SDR42E1: variants seen among roughly 807,000 people sequenced by gnomAD.
SDR42E1 encodes the protein short-chain dehydrogenase/reductase family 42E member 1.
In SDR42E1, 5 loss-of-function variants were observed where a neutral mutation model predicts 2.6. The ratio of observed to expected loss-of-function variants is 1.94; its 90% confidence interval spans 1.01 to 4.08. SDR42E1 has a LOEUF of 4.08. SDR42E1 is among the 30% of genes most tolerant of loss of function. The probability of loss-of-function intolerance (pLI) is 0.00; values close to 1 mark genes in which losing one functional copy is unlikely to be tolerated. For missense variants in SDR42E1, 596 were observed against 478.6 expected (o/e 1.25, Z -2.29); for synonymous variants, 231 against 188.3 (o/e 1.23, Z -1.86).
intron 1 of SDR42E1, among the ~76,000 whole-genome samples, chr16:82,008,566 A>C (rs554203327): frequency 6.6e-6 from 1 of 152,194 alleles, no homozygotes; most frequent in East Asian, 1.9e-4. Flanking sequence ...TAGCAAAGAG[A>C]CTGATGGCAT....
In SDR42E1 at chr16:81,992,178, G is replaced by A. The variant is rs1912442995; in HGVS notation, c.*6933C>T. ...TCTCAAAAAAAAGAAAAAAAAATTAGAAAGCCTTATCCTGAGTAAACTCTC... is the reference window on the plus strand; with the variant it reads ...TCTCAAAAAAAAGAAAAAAAAATTAAAAAGCCTTATCCTGAGTAAACTCTC... On this transcript the variant is annotated 3_prime_UTR_variant, in exon 3 of 3. Transcript: ENST00000328945. The A allele has an allele frequency of 6.6e-6, 1 of 152,176 alleles. No individual in the cohort carries two copies. The highest frequency in any genetic ancestry group is 2.4e-5 in the African/African-American group (1 of 41,400). The allele number at this position is 152,176 out of a possible 1,614,324, so 9.4% of individuals were successfully genotyped here. A position where few individuals can be genotyped will look rare whatever the true frequency, so the allele number is the denominator to read the frequency against.
chr16:82,010,978 G>A (rs1272639781), intron 1 of SDR42E1, among the ~76,000 whole-genome samples: 2 of 152,170 alleles, frequency 1.3e-5, no homozygotes, highest in Non-Finnish European at 2.9e-5. Context: ...ACAAATACAT[G>A]CAGTTTAAAT....
At chr16:82,004,507 T>C (rs1912871570) in intron 1 of SDR42E1, among the ~76,000 whole-genome samples, 2 of 152,220 alleles carry the variant, frequency 1.3e-5, no homozygotes, top group South Asian at 4.1e-4. Flanking sequence ...ATCCCATTCT[T>C]TTTTTCTCTT....
rs762974688 is a variant in SDR42E1, at chr16:81,999,406, ATC to A, written c.885_886del (p.Glu295AspfsTer20). The A allele has an allele frequency of 6.6e-5, 107 of 1,614,228 alleles. No individual in the cohort carries two copies. The African/African-American group carries it at 1.2e-3, about 19-fold the overall frequency. ...GAGTCGACCCAAAATGAAGTGAACC[ATC>A]TCTGTTAGAAAAGCAAAGCAGTAGA... On this transcript the variant is annotated frameshift_variant, in exon 3 of 3. Transcript: ENST00000328945. LOFTEE classifies it low-confidence loss of function (END_TRUNC).
At chr16:82,004,478 C>A (rs753948058) in intron 1 of SDR42E1, among the ~76,000 whole-genome samples, 2 of 152,162 alleles carry the variant, frequency 1.3e-5, no homozygotes, top group Non-Finnish European at 2.9e-5. Flanking sequence ...AGGCTTCTGT[C>A]CCCTTCCATA....
intron 1 of SDR42E1, among the ~76,000 whole-genome samples, chr16:82,003,511 G>A (rs1376206194): frequency 2.6e-5 from 4 of 152,158 alleles, no homozygotes; most frequent in Non-Finnish European, 4.4e-5. Context: ...CTGGCACTCC[G>A]TGCTCCAACC....
At chr16:82,007,149 G>C (rs916173897) in intron 1 of SDR42E1, among the ~76,000 whole-genome samples, 41 of 152,188 alleles carry the variant, frequency 2.7e-4, no homozygotes, top group African/African-American at 9.6e-4. Context: ...AATATCTATA[G>C]GGACAAGGAA....
intron 1 of SDR42E1, among the ~76,000 whole-genome samples, chr16:82,001,743 A>C (rs1040479100): frequency 2.0e-5 from 3 of 151,950 alleles, no homozygotes; most frequent in Non-Finnish European, 4.4e-5. Flanking sequence ...TCTACTAAAA[A>C]TACAAAAAAT....
rs1912528904 is a variant in SDR42E1 at position 81,995,816 on chromosome 16, AT to A, written c.*3294del. Reference sequence around the variant, plus strand: ...TCCCACCCTCATAGAGCTAACAGGCATTAAACAAATAACCGTACAAATGTTT... The same window carrying A: ...TCCCACCCTCATAGAGCTAACAGGCATAAACAAATAACCGTACAAATGTTT... On this transcript the variant is annotated 3_prime_UTR_variant, in exon 3 of 3. Coordinates refer to ENST00000328945, the MANE Select transcript of SDR42E1 (RefSeq NM_145168.3). 6.6e-6 allele frequency: 1 copy of A among 152,258 alleles called. No individual in the cohort carries two copies. Among genetic ancestry groups the A allele is most frequent in the Non-Finnish European group, 1.5e-5 (1 of 68,066 alleles). 9.4% of individuals were successfully genotyped at this position (152,258 alleles called of 1,614,324 possible).
In SDR42E1 at chr16:81,990,901, C is replaced by T. The variant is rs1341159669; in HGVS notation, c.*8210G>A. ...CCCTTCTTTGGGAGAATTTAAACATCTAAGGGCACCTCTACAGGCTGGACT... is the reference window on the plus strand; with the variant it reads ...CCCTTCTTTGGGAGAATTTAAACATTTAAGGGCACCTCTACAGGCTGGACT... On this transcript the variant is annotated 3_prime_UTR_variant, in exon 3 of 3. Transcript: ENST00000328945. 1 of 152,206 alleles carries T rather than the reference C, an allele frequency of 6.6e-6. No individual in the cohort carries two copies. The highest frequency in any genetic ancestry group is 1.5e-5 in the Non-Finnish European group (1 of 68,044). 9.4% of individuals were successfully genotyped at this position (152,206 alleles called of 1,614,324 possible).
chr16:82,003,052 C>T (rs549017502), intron 1 of SDR42E1, among the ~76,000 whole-genome samples: 2 of 152,112 alleles, frequency 1.3e-5, no homozygotes, highest in Non-Finnish European at 2.9e-5. Flanking sequence ...CGAATCAGAT[C>T]ACTTATGCAG....
chr16:82,009,973 T>C (rs1913073192), intron 1 of SDR42E1, among the ~76,000 whole-genome samples: 5 of 152,180 alleles, frequency 3.3e-5, no homozygotes, highest in Admixed American at 3.3e-4. Flanking sequence ...TCTCAAAAGA[T>C]CTGATGGTTT....
At chr16:82,008,250 A>G (rs1304124958) in intron 1 of SDR42E1, among the ~76,000 whole-genome samples, 1 of 152,246 alleles carries the variant, frequency 6.6e-6, no homozygotes, top group African/African-American at 2.4e-5. Context: ...AGTCTTGGGA[A>G]TGTCTTTATT....
rs987438535 is a variant in SDR42E1, at chr16:81,994,320, C to T, written c.*4791G>A. On this transcript the variant is annotated 3_prime_UTR_variant, in exon 3 of 3. Transcript: ENST00000328945. ...GTCCTCTCCTTCAGGTAGGAGGACC[C>T]TGAAGAGGAGCTGCACCAAGCGCCT... 1 of 152,228 alleles carries T rather than the reference C, an allele frequency of 6.6e-6. No individual in the cohort carries two copies. Among genetic ancestry groups the T allele is most frequent in the African/African-American group, 2.4e-5 (1 of 41,446 alleles). The allele number at this position is 152,228 out of a possible 1,614,324, so 9.4% of individuals were successfully genotyped here.
At chr16:82,008,057 A>G (rs1443413699) in intron 1 of SDR42E1, among the ~76,000 whole-genome samples, 1 of 152,106 alleles carries the variant, frequency 6.6e-6, no homozygotes, top group African/African-American at 2.4e-5. Context: ...TGCTATTCTC[A>G]TGATAGTAAG....
rs1357536138 is a variant in SDR42E1 at position 81,994,098 on chromosome 16, A to G, written c.*5013T>C. 1 of 152,206 alleles carries G rather than the reference A, an allele frequency of 6.6e-6. No individual in the cohort carries two copies. The highest frequency in any genetic ancestry group is 2.4e-5 in the African/African-American group (1 of 41,426). The allele number at this position is 152,206 out of a possible 1,614,324, so 9.4% of individuals were successfully genotyped here. On this transcript the variant is annotated 3_prime_UTR_variant, in exon 3 of 3. Coordinates refer to ENST00000328945, the MANE Select transcript of SDR42E1 (RefSeq NM_145168.3). ...CAGGACATGCTGCGATTCCTGGAGA[A>G]AAATCGAACTTAAAGGACCTTAAGC...
chr16:81,999,015 A>C lies in SDR42E1; in HGVS notation c.*96T>G. On this transcript the variant is annotated 3_prime_UTR_variant, in exon 3 of 3. Transcript: ENST00000328945. ...TCTTAAGTAGCAATTTGAAGAGCCA[A>C]TGTTTGGCACCAGATATCACTGTAC... is the stretch of plus-strand genomic sequence containing the variant. 1 of 1,328,534 alleles carries C rather than the reference A, an allele frequency of 7.5e-7. No individual in the cohort carries two copies. The highest frequency in any genetic ancestry group is 2.3e-5 in the East Asian group (1 of 42,694). 82.3% of individuals were successfully genotyped at this position (1,328,534 alleles called of 1,614,324 possible).
chr16:82,002,768 T>C (rs1912811143), intron 1 of SDR42E1, among the ~76,000 whole-genome samples: 1 of 152,240 alleles, frequency 6.6e-6, no homozygotes. Context: ...CTGAACCTGC[T>C]GCTTCATCTA....
intron 1 of SDR42E1, chr16:82,007,659 T>C (rs1347071868): frequency 6.6e-6 from 1 of 152,256 alleles, no homozygotes; most frequent in Non-Finnish European, 1.5e-5. Context: ...TGTGAGGGCT[T>C]TCACTGTTAA....
Sources: allele counts gnomAD v4.1 joint callset (sites outside exome capture counted in the v4.1 genomes callset), GRCh38; gene constraint gnomAD v4.1.1; transcripts MANE v1.5; gene names NCBI Gene and HGNC (gene_info 2026-07-23, HGNC 2026-07-21).